The following ATP2B2 variants were observed in gnomAD, a reference collection of about 807,000 sequenced individuals.
ATP2B2 encodes the protein plasma membrane calcium-transporting ATPase 2.
ATP2B2 carries 15 observed loss-of-function variants against 120.0 expected under a neutral mutation model. That is an observed-to-expected ratio of 0.12 (90% CI 0.08 to 0.19). The LOEUF is 0.19. ATP2B2 is among the 10% of genes least tolerant of loss of function. The pLI is 1.00. For missense variants in ATP2B2, 1,045 were observed against 1,719.8 expected (o/e 0.61, Z 6.94); for synonymous variants, 694 against 700.3 (o/e 0.99, Z 0.14).
chr3:10,658,358 C>T (rs571610960), intron 1 of ATP2B2, among the ~76,000 whole-genome samples: 37 of 152,228 alleles, frequency 2.4e-4, no homozygotes, highest in African/African-American at 6.7e-4. Context: ...AAAGATTAGA[C>T]GAATGGCTAA....
intron 2 of ATP2B2, among the ~76,000 whole-genome samples, chr3:10,561,116 T>A (rs990944551): frequency 1.2e-4 from 18 of 152,224 alleles, no homozygotes; most frequent in African/African-American, 4.3e-4. Context: ...TAGCCTGGAG[T>A]GGTCATTGTG....
At chr3:10,659,235 C>T (rs1272118747) in intron 1 of ATP2B2, among the ~76,000 whole-genome samples, 2 of 152,192 alleles carry the variant, frequency 1.3e-5, no homozygotes, top group African/African-American at 4.8e-5. Context: ...ATCAAATTCA[C>T]ACATAACAAT....
chr3:10,557,844 T>G (rs1393865564), intron 2 of ATP2B2, among the ~76,000 whole-genome samples: 1 of 151,982 alleles, frequency 6.6e-6, no homozygotes, highest in African/African-American at 2.4e-5. Context: ...AACAGGAAGG[T>G]GAGTCATCAT....
At chr3:10,496,759 C>T (rs1012394337) in intron 1 of ATP2B2, among the ~76,000 whole-genome samples, 1 of 152,198 alleles carries the variant, frequency 6.6e-6, no homozygotes, top group Non-Finnish European at 1.5e-5. Flanking sequence ...CTCAGGGGGC[C>T]CATCTGGCTC....
chr3:10,335,512 C>A (rs2060091637), intron 22 of ATP2B2, among the ~76,000 whole-genome samples: 1 of 152,204 alleles, frequency 6.6e-6, no homozygotes, highest in African/African-American at 2.4e-5. Context: ...GCAGTGACCT[C>A]TTGGCTCAAC....
chr3:10,331,828 G>C (rs1242477926), intron 22 of ATP2B2: 2 of 638,714 alleles, frequency 3.1e-6, no homozygotes, highest in Non-Finnish European at 5.2e-6. Flanking sequence ...AGGGAACAGG[G>C]AGACCCATGC....
chr3:10,611,037 G>A (rs2069222816), intron 2 of ATP2B2, among the ~76,000 whole-genome samples: 1 of 152,204 alleles, frequency 6.6e-6, no homozygotes, highest in African/African-American at 2.4e-5. Context: ...TCACAGATGA[G>A]AAACCAGAAC....
At chr3:10,414,314 A>G (rs1448985853) in intron 2 of ATP2B2, among the ~76,000 whole-genome samples, 1 of 152,194 alleles carries the variant, frequency 6.6e-6, no homozygotes, top group East Asian at 1.9e-4. Context: ...GTCAGGCCAT[A>G]TCATGCTGGG....
chr3:10,677,235 A>G (rs1444880631), intron 1 of ATP2B2, among the ~76,000 whole-genome samples: 3 of 152,228 alleles, frequency 2.0e-5, no homozygotes, highest in African/African-American at 7.2e-5. Context: ...GCTAAAAAGA[A>G]ACATGCTATG....
intron 5 of ATP2B2, among the ~76,000 whole-genome samples, chr3:10,400,694 G>T (rs568045580): frequency 6.6e-6 from 1 of 152,308 alleles, no homozygotes; most frequent in Non-Finnish European, 1.5e-5. Flanking sequence ...TCACTAGAAG[G>T]CCAATGCCAT....
chr3:10,371,775 C>T (rs2061249793), intron 12 of ATP2B2, 34 bp downstream of exon 12: 2 of 1,614,048 alleles, frequency 1.2e-6, no homozygotes, highest in Non-Finnish European at 8.5e-7. Context: ...ATGGATGTTG[C>T]TCCAGGTGGT....
rs370119384 is a variant in ATP2B2, at chr3:10,340,460, C to G, written c.3129+33G>C. On this transcript the variant is annotated intron_variant, in intron 20 of 22. Coordinates refer to ENST00000360273, the MANE Select transcript of ATP2B2 (RefSeq NM_001001331.4). The surrounding 1 kb of genome is among the most constrained non-coding windows in gnomAD (Gnocchi z 5.0). ...AGGGGCTCCAGCCGCTTGCTGCCCA[C>G]CCCGGGCCTGGTTAGGGTGGGGGCC... 6.2e-7 allele frequency: 1 copy of G among 1,614,028 alleles called. No homozygotes were observed. The highest frequency in any genetic ancestry group is 2.2e-5 in the East Asian group (1 of 44,896).
chr3:10,412,359 C>G (rs997341802), intron 2 of ATP2B2, among the ~76,000 whole-genome samples: 2 of 152,182 alleles, frequency 1.3e-5, no homozygotes, highest in African/African-American at 4.8e-5. Flanking sequence ...GTGGGGAAGA[C>G]TCCCTCTGTC....
At position 10,360,130 on chromosome 3, in the gene ATP2B2, A is replaced by G; in HGVS notation, c.1660-7T>C. ...CGCCCTCCTTCTCTGGGGGCTGCAGAGAGAGGAAGGAGCGGCTGGCACCTG... is the reference window on the plus strand; with the variant it reads ...CGCCCTCCTTCTCTGGGGGCTGCAGGGAGAGGAAGGAGCGGCTGGCACCTG... On this transcript the variant is annotated splice_polypyrimidine_tract_variant and splice_region_variant and intron_variant, in intron 12 of 22. Transcript: ENST00000360273. 1 of 1,584,950 alleles carries G rather than the reference A, an allele frequency of 6.3e-7. No homozygotes were observed. Among genetic ancestry groups the G allele is most frequent in the Non-Finnish European group, 8.6e-7 (1 of 1,163,024 alleles).
At position 10,343,064 on chromosome 3, in the gene ATP2B2, G is replaced by T; in HGVS notation, c.2704-99C>A. On this transcript the variant is annotated intron_variant, in intron 18 of 22. Transcript: ENST00000360273. The surrounding 1 kb of genome is among the most constrained non-coding windows in gnomAD (Gnocchi z 4.2). ...GTAGTGTCCGCAGGCTCCTGCTGGA[G>T]GCTGGAGTCCGACCTGCCCCTTGGC... 1 of 1,311,054 alleles carries T rather than the reference G, an allele frequency of 7.6e-7. No homozygotes were observed. Among genetic ancestry groups the T allele is most frequent in the Non-Finnish European group, 1.1e-6 (1 of 926,694 alleles). 81.2% of individuals were successfully genotyped at this position (1,311,054 alleles called of 1,614,324 possible). A position where few individuals can be genotyped will look rare whatever the true frequency, so the allele number is the denominator to read the frequency against.
intron 1 of ATP2B2, among the ~76,000 whole-genome samples, chr3:10,640,299 C>A (rs1311756416): frequency 6.6e-6 from 1 of 152,172 alleles, no homozygotes; most frequent in Non-Finnish European, 1.5e-5. Context: ...ACAGAAAGGA[C>A]AGGGGTTTCC....
intron 1 of ATP2B2, among the ~76,000 whole-genome samples, chr3:10,488,120 CCCAT>C (rs1415070265): frequency 1.5e-4 from 23 of 149,306 alleles, no homozygotes; most frequent in Admixed American, 9.3e-4. Flanking sequence ...CATCCATCCA[CCCAT>C]CCATCCATCC....
chr3:10,350,497 C>A lies in ATP2B2; in HGVS notation c.2217G>T (p.Arg739=). The change falls in exon 15 of 23, where the codon CGG becomes CGT. Residue 739 remains arginine (R), a synonymous_variant. Coordinates refer to ENST00000360273, the MANE Select transcript of ATP2B2 (RefSeq NM_001001331.4). The part of the protein sequence containing the change: ...MVTGDNINTA[R]AIAIKCGIIH... Reference sequence around the variant, plus strand: ...TGATGCCACACTTGATGGCGATGGCCCGAGCCGTGTTGATATTGTCGCCAG... The same window carrying A: ...TGATGCCACACTTGATGGCGATGGCACGAGCCGTGTTGATATTGTCGCCAG... 1 of 1,614,226 alleles carries A rather than the reference C, an allele frequency of 6.2e-7. No homozygotes were observed. Among genetic ancestry groups the A allele is most frequent in the Non-Finnish European group, 8.5e-7 (1 of 1,180,040 alleles).
intron 2 of ATP2B2, among the ~76,000 whole-genome samples, chr3:10,606,080 C>T (rs1263153308): frequency 1.3e-5 from 2 of 152,020 alleles, no homozygotes; most frequent in Non-Finnish European, 2.9e-5. Flanking sequence ...ATTGTACCAC[C>T]GCACTCCAGC....
Sources: gnomAD v4.1 joint callset for allele counts (sites outside exome capture counted in the v4.1 genomes callset) on GRCh38, gnomAD v4.1.1 for gene constraint, Gnocchi (gnomAD v3.1) non-coding constraint, MANE v1.5 for transcripts, NCBI Gene and HGNC (gene_info 2026-07-23, HGNC 2026-07-21) for gene names.